Variants in NIN observed in about 807,000 individuals in gnomAD.
NIN encodes the protein ninein.
NIN carries 137 observed loss-of-function variants against 257.6 expected under a neutral mutation model. That is an observed-to-expected ratio of 0.53 (90% CI 0.46 to 0.61). The LOEUF (loss-of-function observed/expected upper bound fraction) is 0.61, where lower values mean the gene tolerates loss of function less well. Among genes scored for constraint, NIN ranks in the 20% least tolerant of loss-of-function variants. The pLI is 0.00. For synonymous variants in NIN, 918 were observed against 919.8 expected, an observed-to-expected ratio of 1.00 and a Z score of 0.04; for missense variants, 2,439 against 2,501.2, an observed-to-expected ratio of 0.98 and a Z score of 0.53.
At chr14:50,739,872 C>T (rs1275699737) in intron 25 of NIN, among the ~76,000 whole-genome samples, 1 of 152,220 alleles carries the variant, frequency 6.6e-6, no homozygotes, top group Admixed American at 6.5e-5. Flanking sequence ...ATTTGATTCA[C>T]AGAGGACATA....
At position 50,722,811 on chromosome 14, in the gene NIN, T is replaced by A. The variant is rs2040295959; in HGVS notation, c.*652A>T. The A allele has an allele frequency of 4.8e-6, 1 of 210,092 alleles. No homozygotes were observed. The highest frequency in any genetic ancestry group is 9.7e-6 in the Non-Finnish European group (1 of 103,252). 13.0% of individuals were successfully genotyped at this position (210,092 alleles called of 1,614,324 possible). On this transcript the variant is annotated 3_prime_UTR_variant, in exon 31 of 31. Coordinates refer to ENST00000530997, the MANE Select transcript of NIN (RefSeq NM_020921.4). ...GTTTAAAGCAAGTAAGCTTTTAACA[T>A]TAGTTAAGAGTGCAATTGAGTAAAT...
chr14:50,822,743 C>A (rs954375986), intron 2 of NIN, among the ~76,000 whole-genome samples: 1 of 152,192 alleles, frequency 6.6e-6, no homozygotes, highest in Admixed American at 6.5e-5. Context: ...TACACGAGTT[C>A]CTCAAAAAGC....
chr14:50,772,162 T>C, intron 9 of NIN, 139 bp downstream of exon 9: 7 of 811,066 alleles, frequency 8.6e-6, no homozygotes. Flanking sequence ...AAAAAAAAAG[T>C]TACCTTTTAT....
intron 3 of NIN, among the ~76,000 whole-genome samples, chr14:50,816,386 T>C (rs1482002551): frequency 1.3e-5 from 2 of 152,172 alleles, no homozygotes; most frequent in African/African-American, 4.8e-5. Flanking sequence ...GGAAAAATAA[T>C]GTGACAAGAA....
chr14:50,744,291 C>T lies in NIN; in HGVS notation c.5139G>A (p.Leu1713=). The change falls in exon 23 of 31, where the codon CTG becomes CTA. Residue 1713 remains leucine, a synonymous_variant. Transcript: ENST00000530997. The part of the protein sequence containing the change: ...SSVLSYNEKL[L]KEKEALSEEL... ...CCTCACTCAGAGCTTCCTTTTCTTT[C>T]AGCAGTTTTTCGTTGTAGCTTAGAA... The T allele has an allele frequency of 1.9e-6, 3 of 1,614,100 alleles. No individual in the cohort carries two copies. The highest frequency in any genetic ancestry group is 2.5e-6 in the Non-Finnish European group (3 of 1,179,994).
Position 50,756,539 on chromosome 14 carries a change from G to A in NIN, c.4491C>T (p.Asp1497=), listed in dbSNP as rs374329427. 3 of 1,612,842 alleles carry A rather than the reference G, an allele frequency of 1.9e-6. No individual in the cohort carries two copies. The African/African-American group carries it at 4.0e-5, about 22-fold the overall frequency. The change falls in exon 18 of 31, where the codon GAC becomes GAT. Residue 1497 remains aspartate (D), a synonymous_variant. Coordinates refer to ENST00000530997, the MANE Select transcript of NIN (RefSeq NM_020921.4). ...KEEELKAMMH[D]LQITCSEMQQ... ...GCATCTCACTGCACGTGATCTGCAA[G>A]TCATGCATCATTGCCTTCAGCTCTT...
intron 5 of NIN, among the ~76,000 whole-genome samples, chr14:50,791,056 T>C (rs980449343): frequency 1.3e-5 from 2 of 152,076 alleles, no homozygotes; most frequent in African/African-American, 4.8e-5. Context: ...GGGAAATGAG[T>C]TATTAAACTT....
At chr14:50,803,366 C>G (rs1459076108) in intron 4 of NIN, among the ~76,000 whole-genome samples, 2 of 151,914 alleles carry the variant, frequency 1.3e-5, no homozygotes, top group East Asian at 3.9e-4. Context: ...AAAACAAAAA[C>G]AAAAACACAG....
At chr14:50,776,715 C>G (rs1227376325) in intron 7 of NIN, among the ~76,000 whole-genome samples, 1 of 152,180 alleles carries the variant, frequency 6.6e-6, no homozygotes, top group African/African-American at 2.4e-5. Context: ...CATGGGGTAA[C>G]CTGCCTAGCA....
chr14:50,763,382 A>C (rs2042347186), intron 15 of NIN, among the ~76,000 whole-genome samples: 1 of 152,226 alleles, frequency 6.6e-6, no homozygotes, highest in East Asian at 1.9e-4. Context: ...GACATTCAGC[A>C]CAGCCCGTAT....
chr14:50,768,203 T>C (rs1210764991), intron 12 of NIN, among the ~76,000 whole-genome samples: 1 of 152,082 alleles, frequency 6.6e-6, no homozygotes, highest in Non-Finnish European at 1.5e-5. Flanking sequence ...AGTATATTTT[T>C]AGTATATTCT....
chr14:50,764,949 C>T (rs77708675), intron 14 of NIN, among the ~76,000 whole-genome samples: 1 of 148,178 alleles, frequency 6.7e-6, no homozygotes, highest in South Asian at 2.2e-4. Flanking sequence ...ATGGGTAAAA[C>T]ATATAGTGTA....
intron 7 of NIN, among the ~76,000 whole-genome samples, chr14:50,773,854 G>T (rs1313582594): frequency 6.6e-6 from 1 of 152,202 alleles, no homozygotes; most frequent in African/African-American, 2.4e-5. Context: ...CTAGAGGCTT[G>T]CCTGGGAATG....
chr14:50,818,347 T>C (rs935136934), intron 3 of NIN, among the ~76,000 whole-genome samples: 7 of 142,658 alleles, frequency 4.9e-5, no homozygotes, highest in Admixed American at 4.8e-4. Flanking sequence ...AAACACTGGA[T>C]ATAACTAAAT....
At chr14:50,820,503 A>T (rs972117194) in intron 3 of NIN, among the ~76,000 whole-genome samples, 23 of 152,142 alleles carry the variant, frequency 1.5e-4, no homozygotes, top group African/African-American at 5.3e-4. Context: ...TAGACACCAA[A>T]AGTACTGAGA....
intron 29 of NIN, chr14:50,727,625 T>G: frequency 6.9e-7 from 1 of 1,443,958 alleles, no homozygotes; most frequent in South Asian, 1.1e-5. Flanking sequence ...GTGGTGTGTG[T>G]GCATGGGTGG....
chr14:50,761,767 G>C (rs1595801343), intron 16 of NIN, 23 bp downstream of exon 16: 1 of 1,613,790 alleles, frequency 6.2e-7, no homozygotes. Context: ...AATTAGAGAA[G>C]TGGATTGGTG....
At position 50,743,547 on chromosome 14, in the gene NIN, A is replaced by G. The variant is rs751538177; in HGVS notation, c.5188-18T>C. 5 of 1,557,012 alleles carry G rather than the reference A, an allele frequency of 3.2e-6. No homozygotes were observed. In the South Asian group the frequency reaches 5.6e-5, roughly 17 times the overall value. ...TTTGCCAACTGTTTCAGGAAGGGAA[A>G]AAGAGGTAAGAGGGCATTTTTGCAA... is the stretch of plus-strand genomic sequence containing the variant. On this transcript the variant is annotated intron_variant, in intron 23 of 30. Coordinates refer to ENST00000530997, the MANE Select transcript of NIN (RefSeq NM_020921.4).
chr14:50,781,813 G>C (rs748853460), intron 5 of NIN, among the ~76,000 whole-genome samples: 1 of 152,114 alleles, frequency 6.6e-6, no homozygotes, highest in Non-Finnish European at 1.5e-5. Flanking sequence ...ACACAATTTT[G>C]TTATTTTTAT....
Sources: gnomAD v4.1 joint callset for allele counts (sites outside exome capture counted in the v4.1 genomes callset) on GRCh38, gnomAD v4.1.1 for gene constraint, MANE v1.5 for transcripts, NCBI Gene and HGNC (gene_info 2026-07-23, HGNC 2026-07-21) for gene names.